The following SMARCA2 variants were observed in gnomAD, a reference collection of about 807,000 sequenced individuals.
SMARCA2 encodes the protein SWI/SNF related BAF chromatin remodeling complex subunit ATPase 2, also known as SWI/SNF-related matrix-associated actin-dependent regulator of chromatin subfamily A member 2.
In SMARCA2, 61 loss-of-function variants were observed where a neutral mutation model predicts 199.8. That is an observed-to-expected ratio of 0.31 (90% CI 0.25 to 0.38). SMARCA2 has a LOEUF of 0.38. Among genes scored for constraint, SMARCA2 ranks in the 10% least tolerant of loss-of-function variants. The pLI is 1.00. For synonymous variants in SMARCA2, 935 were observed against 732.0 expected (o/e 1.28, Z -4.48); for missense variants, 1,344 against 2,012.2 (o/e 0.67, Z 6.35).
chr9:2,030,919 C>A (rs1819036546), intron 2 of SMARCA2, among the ~76,000 whole-genome samples: 1 of 152,106 alleles, frequency 6.6e-6, no homozygotes, highest in Non-Finnish European at 1.5e-5. Context: ...GATGATTTTT[C>A]AAATTAGGAA....
intron 16 of SMARCA2, among the ~76,000 whole-genome samples, 164 bp from the exon 17 acceptor site, chr9:2,083,922 G>A (rs1384076420): frequency 1.3e-5 from 2 of 152,188 alleles, no homozygotes; most frequent in Non-Finnish European, 2.9e-5. Context: ...GTCAAGACGT[G>A]TAATTTAGCC....
At chr9:2,083,026 T>C (rs1302741551) in intron 15 of SMARCA2, among the ~76,000 whole-genome samples, 1 of 152,204 alleles carries the variant, frequency 6.6e-6, no homozygotes, top group African/African-American at 2.4e-5. Flanking sequence ...TGGCTGTTTA[T>C]GAAGATTCCT....
At chr9:2,175,734 G>T (rs1213026474) in intron 29 of SMARCA2, among the ~76,000 whole-genome samples, 1 of 152,084 alleles carries the variant, frequency 6.6e-6, no homozygotes, top group African/African-American at 2.4e-5. Flanking sequence ...CTTCATTTTG[G>T]TGAATAAGAG....
At chr9:2,062,692 T>C (rs1820654809) in intron 9 of SMARCA2, among the ~76,000 whole-genome samples, 1 of 152,150 alleles carries the variant, frequency 6.6e-6, no homozygotes, top group Non-Finnish European at 1.5e-5. Flanking sequence ...ACTCAACATG[T>C]GTTAACTGAA....
chr9:2,077,663 A>G lies in SMARCA2; in HGVS notation c.2071A>G (p.Met691Val). Reference sequence around the variant, plus strand: ...GCAAGACGTGGATGATGAATACAGCATGCAGTACAGTGCCAGGGGCTCCCA... The same window carrying G: ...GCAAGACGTGGATGATGAATACAGCGTGCAGTACAGTGCCAGGGGCTCCCA... ...AKQDVDDEYS[M>V]QYSARGSQSY... The change falls in exon 14 of 34, where the codon ATG (methionine) becomes GTG (valine). Residue 691 changes from methionine to valine, a missense_variant. By Grantham distance (21) the Met-to-Val change is conservative (BLOSUM62 1). Around this residue, in one of 18 missense-constraint regions of SMARCA2, gnomAD observed 106 missense variants for 179.7 expected, o/e 0.59. Transcript: ENST00000349721. The G allele has an allele frequency of 6.2e-7, 1 of 1,614,134 alleles. No homozygotes were observed. The highest frequency in any genetic ancestry group is 1.6e-4 in the Middle Eastern group (1 of 6,062).
intron 27 of SMARCA2, among the ~76,000 whole-genome samples, chr9:2,145,981 T>C (rs1217652864): frequency 6.6e-6 from 1 of 152,184 alleles, no homozygotes; most frequent in Non-Finnish European, 1.5e-5. Context: ...GGAATAAATA[T>C]GGCATGCTAC....
intron 27 of SMARCA2, among the ~76,000 whole-genome samples, chr9:2,153,723 G>A (rs1481837399): frequency 1.3e-5 from 2 of 151,996 alleles, no homozygotes; most frequent in African/African-American, 4.8e-5. Flanking sequence ...TTAAAGTTGT[G>A]GAACAGTAAT....
chr9:2,150,136 G>A (rs1824988104), intron 27 of SMARCA2, among the ~76,000 whole-genome samples: 1 of 151,616 alleles, frequency 6.6e-6, no homozygotes, highest in Non-Finnish European at 1.5e-5. Flanking sequence ...CCTGGGAAGA[G>A]CTAGTCATCT....
In SMARCA2 at chr9:2,169,416, A is replaced by C. The variant is rs1453479234; in HGVS notation, c.4200-1003A>C. 2.0e-5 allele frequency among the ~76,000 whole-genome samples: 3 copies of C among 151,488 alleles called. No homozygotes were observed. The East Asian group carries it at 5.8e-4, about 29-fold the overall frequency. Reference sequence around the variant, plus strand: ...ACAGTCTGAACCTTCGGATCTTCCCAACTTTTTTTTTCCAACGCACCCCTC... The same window carrying C: ...ACAGTCTGAACCTTCGGATCTTCCCCACTTTTTTTTTCCAACGCACCCCTC... On this transcript the variant is annotated intron_variant, in intron 28 of 33. Transcript: ENST00000349721. This position sits in a 1 kb window ranked among gnomAD's most constrained non-coding sequence, Gnocchi z 6.5.
intron 19 of SMARCA2, among the ~76,000 whole-genome samples, chr9:2,094,785 A>G (rs1309139498): frequency 6.6e-6 from 1 of 152,178 alleles, no homozygotes; most frequent in Non-Finnish European, 1.5e-5. Flanking sequence ...CTCAGAAAGC[A>G]CTTTGCACAG....
intron 32 of SMARCA2, among the ~76,000 whole-genome samples, chr9:2,187,531 A>T (rs1159228992): frequency 1.3e-5 from 2 of 152,148 alleles, no homozygotes; most frequent in African/African-American, 4.8e-5. Flanking sequence ...AAAAAGAAAT[A>T]GCCAAGTGTG....
At position 2,115,035 on chromosome 9, in the gene SMARCA2, A is replaced by G. The variant is rs7043611; in HGVS notation, c.3457-787A>G. On this transcript the variant is annotated intron_variant, in intron 24 of 33. Coordinates refer to ENST00000349721, the MANE Select transcript of SMARCA2 (RefSeq NM_003070.5). This position sits in a 1 kb window ranked among gnomAD's most constrained non-coding sequence, Gnocchi z 6.0. ...CATTTAACTAATTCAGTATTGTTGA[A>G]TGTTTCTTTTTTTAAAAAAAAAGCC... 4.8e-3 allele frequency among the ~76,000 whole-genome samples: 733 copies of G among 152,088 alleles called. 9 individuals carry two copies. Among genetic ancestry groups the G allele is most frequent in the African/African-American group, 0.017 (689 of 41,440 alleles).
intron 27 of SMARCA2, among the ~76,000 whole-genome samples, chr9:2,132,431 A>T (rs1295064430): frequency 6.6e-6 from 1 of 151,984 alleles, no homozygotes; most frequent in Non-Finnish European, 1.5e-5. Context: ...AAAATATTTT[A>T]TTTTACACTG....
At chr9:2,066,499 C>T (rs950487097) in intron 9 of SMARCA2, among the ~76,000 whole-genome samples, 2 of 152,212 alleles carry the variant, frequency 1.3e-5, no homozygotes, top group Non-Finnish European at 2.9e-5. Flanking sequence ...AAATTGGGAA[C>T]ACACACTGTC....
intron 9 of SMARCA2, among the ~76,000 whole-genome samples, chr9:2,070,163 T>C (rs1821028697): frequency 6.6e-6 from 1 of 152,234 alleles, no homozygotes; most frequent in African/African-American, 2.4e-5. Flanking sequence ...TTTGGGTCCC[T>C]GAAGACACAA....
At chr9:2,055,889 A>G (rs953012764) in intron 6 of SMARCA2, among the ~76,000 whole-genome samples, 4 of 152,248 alleles carry the variant, frequency 2.6e-5, no homozygotes, top group Admixed American at 6.5e-5. Context: ...TAGCGTTGCC[A>G]TGACGGACTC....
At chr9:2,122,872 T>C (rs895080617) in intron 26 of SMARCA2, among the ~76,000 whole-genome samples, 20 of 152,194 alleles carry the variant, frequency 1.3e-4, no homozygotes, top group Admixed American at 1.3e-3. Flanking sequence ...TTTTTAAAAA[T>C]CCATCGTATT....
At chr9:2,146,324 A>G (rs572143691) in intron 27 of SMARCA2, among the ~76,000 whole-genome samples, 18 of 152,326 alleles carry the variant, frequency 1.2e-4, no homozygotes, top group African/African-American at 3.9e-4. Flanking sequence ...TAGGATTTCA[A>G]GACAGGAATT....
At chr9:2,095,012 T>C (rs1822211515) in intron 19 of SMARCA2, among the ~76,000 whole-genome samples, 2 of 152,218 alleles carry the variant, frequency 1.3e-5, no homozygotes, top group Non-Finnish European at 2.9e-5. Flanking sequence ...ACACAATATG[T>C]ATTTGTATAT....
Sources: gnomAD v4.1 joint callset for allele counts (sites outside exome capture counted in the v4.1 genomes callset) on GRCh38, gnomAD v4.1.1 for gene constraint, gnomAD v4.1.1 regional missense constraint, Gnocchi (gnomAD v3.1) non-coding constraint, MANE v1.5 for transcripts, NCBI Gene and HGNC (gene_info 2026-07-23, HGNC 2026-07-21) for gene names.